ELP6: variants seen among roughly 807,000 people sequenced by gnomAD.
ELP6 encodes elongator complex protein 6.
ELP6 carries 23 observed loss-of-function variants against 28.1 expected under a neutral mutation model. The ratio of observed to expected loss-of-function variants is 0.82; its 90% CI spans 0.59 to 1.16. The LOEUF (loss-of-function observed/expected upper bound fraction) is 1.16, where lower values mean the gene tolerates loss of function less well. Among genes scored for constraint, ELP6 ranks in the 50% most tolerant of loss-of-function variants. The probability of loss-of-function intolerance (pLI) is 0.00; values close to 1 mark genes in which losing one functional copy is unlikely to be tolerated. For synonymous variants in ELP6, 132 were observed against 135.8 expected, an observed-to-expected ratio of 0.97 and a Z score of 0.19; for missense variants, 313 against 334.6, an observed-to-expected ratio of 0.94 and a Z score of 0.50.
At position 47,511,178 on chromosome 3, in the gene ELP6, C is replaced by T; in HGVS notation, c.103G>A (p.Val35Ile). 2 of 1,614,028 alleles carry T rather than the reference C, an allele frequency of 1.2e-6. No homozygotes were observed. The highest frequency in any genetic ancestry group is 1.7e-6 in the Non-Finnish European group (2 of 1,179,968). The change falls in exon 2 of 7, where the codon GTA (valine) becomes ATA (isoleucine). Residue 35 changes from valine to isoleucine, a missense_variant. Transcript: ENST00000296149. ...CDAKTDGSFLVHHFLSFYLKA... is the reference protein window; with the variant it reads ...CDAKTDGSFLIHHFLSFYLKA... ...AGATAGAAGGAGAGAAAGTGGTGTA[C>T]AAGGAAACTCCCATCTGTCTTGGCA... is the stretch of plus-strand genomic sequence containing the variant.
intron 4 of ELP6, chr3:47,503,478 G>T: frequency 7.9e-7 from 1 of 1,268,084 alleles, no homozygotes; most frequent in Non-Finnish European, 1.0e-6. Flanking sequence ...AGGCTTGCAG[G>T]TCATATGGTC....
chr3:47,504,373 C>A lies in ELP6; in HGVS notation c.280G>T (p.Val94Phe). Residue 94 changes from valine (V) to phenylalanine (F), a missense_variant, in exon 4 of 7, where the codon GTC becomes TTC. Transcript: ENST00000296149. ...TGTGGCTCCTTTTGAGCCTGGAAGA[C>A]GACGTCCACTGCAGACTTGAGTCCC... ...LEGLKSAVDV[V>F]FQAQKEPHPL... 1 of 1,610,730 alleles carries A rather than the reference C, an allele frequency of 6.2e-7. No individual in the cohort carries two copies.
At chr3:47,501,473 A>T in intron 5 of ELP6, 177 bp downstream of exon 5, 1 of 626,132 alleles carries the variant, frequency 1.6e-6, no homozygotes, top group Non-Finnish European at 2.8e-6. Flanking sequence ...GGGGGGCTTT[A>T]CTTTTCAGCA....
In ELP6 at chr3:47,495,971, A is replaced by G; in HGVS notation, c.*98T>C. 6.3e-7 allele frequency: 1 copy of G among 1,594,114 alleles called. No homozygotes were observed. The highest frequency in any genetic ancestry group is 2.3e-5 in the East Asian group (1 of 44,282). ...CAGTGGAGTCGCCGGTCCAGCCTGA[A>G]ATATTACTACAGAGGAGAAAGACCC... On this transcript the variant is annotated 3_prime_UTR_variant, in exon 7 of 7. Coordinates refer to ENST00000296149, the MANE Select transcript of ELP6 (RefSeq NM_001031703.3).
chr3:47,502,337 G>A, intron 4 of ELP6: 8 of 859,326 alleles, frequency 9.3e-6, no homozygotes, highest in Non-Finnish European at 9.8e-6. Flanking sequence ...TTGAACCTGG[G>A]AGACGGAAGT....
At chr3:47,508,224 T>C (rs1019899473) in intron 3 of ELP6, among the ~76,000 whole-genome samples, 11 of 152,196 alleles carry the variant, frequency 7.2e-5, no homozygotes, top group African/African-American at 2.4e-4. Context: ...GGATTTTATT[T>C]TATTTTTTAT....
intron 6 of ELP6, 97 bp from the exon 7 acceptor site, chr3:47,496,294 C>T: frequency 6.8e-7 from 1 of 1,475,126 alleles, no homozygotes; most frequent in Non-Finnish European, 9.0e-7. Flanking sequence ...CAGCTGAGGC[C>T]TCTATGAGAT....
chr3:47,496,404 T>A, intron 6 of ELP6: 1 of 984,324 alleles, frequency 1.0e-6, no homozygotes, highest in South Asian at 4.7e-5. Flanking sequence ...ACAGTAGTCA[T>A]ATTGGCTCAA....
At chr3:47,513,178 A>G (rs930935645) in intron 1 of ELP6, 2 of 977,600 alleles carry the variant, frequency 2.0e-6, no homozygotes, top group Non-Finnish European at 2.5e-6. Context: ...TTTCGTAGAG[A>G]CGGGGGTTTC....
intron 1 of ELP6, chr3:47,511,456 G>GCCTCCA: frequency 7.5e-7 from 1 of 1,340,622 alleles, no homozygotes. Flanking sequence ...GCATATCTCA[G>GCCTCCA]CCTCCACCTC....
chr3:47,513,479 T>C, intron 1 of ELP6, 58 bp downstream of exon 1: 4 of 1,585,738 alleles, frequency 2.5e-6, no homozygotes, highest in Non-Finnish European at 3.4e-6. Flanking sequence ...GCCTCCCGGA[T>C]GCAGTATTCC....
intron 1 of ELP6, 62 bp downstream of exon 1, chr3:47,513,475 C>G (rs1447835785): frequency 1.3e-6 from 2 of 1,583,364 alleles, no homozygotes; most frequent in Non-Finnish European, 8.6e-7. Flanking sequence ...CACCGCCTCC[C>G]GGATGCAGTA....
At chr3:47,511,811 C>G (rs774455637) in intron 1 of ELP6, 157 of 986,398 alleles carry the variant, frequency 1.6e-4, no homozygotes, top group Non-Finnish European at 1.8e-4. Context: ...CAGAGCCTGA[C>G]TGTCCTGCTC....
rs188922558 is a variant in ELP6 at position 47,513,061 on chromosome 3, G to A, written c.54+476C>T. On this transcript the variant is annotated intron_variant, in intron 1 of 6. Coordinates refer to ENST00000296149, the MANE Select transcript of ELP6 (RefSeq NM_001031703.3). ...GCTGGAGTGCGGTGGCGAGATCTCG[G>A]GTCACTGCAACCTCCGCCTCCCGGG... 8.1e-4 allele frequency: 777 copies of A among 961,902 alleles called. 3 individuals are homozygous for A. The highest frequency in any genetic ancestry group is 6.7e-3 in the African/African-American group (377 of 56,678). 59.6% of individuals were successfully genotyped at this position (961,902 alleles called of 1,614,324 possible). A position where few individuals can be genotyped will look rare whatever the true frequency, so the allele number is the denominator to read the frequency against.
chr3:47,501,535 G>T, intron 5 of ELP6, 115 bp downstream of exon 5: 2 of 1,096,836 alleles, frequency 1.8e-6, no homozygotes, highest in Non-Finnish European at 2.7e-6. Flanking sequence ...GGGCCTGCCA[G>T]AGTAAAGCCA....
chr3:47,499,015 G>T (rs866804204), intron 5 of ELP6, among the ~76,000 whole-genome samples: 3 of 152,320 alleles, frequency 2.0e-5, no homozygotes, highest in Middle Eastern at 6.8e-3. Flanking sequence ...GGAGGGGAAG[G>T]TCAACCCTGC....
In ELP6 at chr3:47,496,123, T is replaced by C; in HGVS notation, c.747A>G (p.Ile249Met). 6.2e-7 allele frequency: 1 copy of C among 1,614,220 alleles called. No individual in the cohort carries two copies. The change falls in exon 7 of 7, where the codon ATA (isoleucine) becomes ATG (methionine). Residue 249 changes from isoleucine (I) to methionine (M), a missense_variant. By Grantham distance (10) the Ile-to-Met change is conservative. Transcript: ENST00000296149. ...CAAAAAAGGACACGCTTTTGTCCTG[T>C]ATCTTATACTGGTAAGTGAAGCTCT... ...RDQSFTYQYK[I>M]QDKSVSFFAK...
At chr3:47,500,103 T>A in intron 5 of ELP6, 1 of 1,203,650 alleles carries the variant, frequency 8.3e-7, no homozygotes, top group Non-Finnish European at 1.1e-6. Context: ...AAGGAGGGAC[T>A]GGCATCTGCA....
intron 5 of ELP6, chr3:47,499,713 A>G (rs1050692946): frequency 4.1e-5 from 40 of 963,928 alleles, no homozygotes; most frequent in Non-Finnish European, 5.0e-5. Flanking sequence ...AAAAAAAAAA[A>G]AGAATAGTAA....
Sources: allele counts gnomAD v4.1 joint callset (sites outside exome capture counted in the v4.1 genomes callset), GRCh38; gene constraint gnomAD v4.1.1; transcripts MANE v1.5; gene names NCBI Gene and HGNC (gene_info 2026-07-23, HGNC 2026-07-21).